The following ADAM12 variants were observed in gnomAD, a reference collection of about 807,000 sequenced individuals.
The protein encoded by ADAM12 is disintegrin and metalloproteinase domain-containing protein 12.
A neutral mutation model predicts 106.4 loss-of-function variants in ADAM12; 70 were observed. That is an observed-to-expected ratio of 0.66 (90% confidence interval 0.54 to 0.80). The LOEUF (loss-of-function observed/expected upper bound fraction) is 0.80, where lower values mean the gene tolerates loss of function less well. ADAM12 is among the 30% of genes least tolerant of loss of function. ADAM12 has a pLI of 0.00. For missense variants in ADAM12, 1,010 were observed against 1,171.9 expected (o/e 0.86, Z 2.02); for synonymous variants, 420 against 433.5 (o/e 0.97, Z 0.39).
Position 126,109,773 on chromosome 10 carries a change from A to T in ADAM12, c.669+2T>A. 6.2e-7 allele frequency: 1 copy of T among 1,609,532 alleles called. No homozygotes were observed. Among genetic ancestry groups the T allele is most frequent in the Admixed American group, 1.7e-5 (1 of 59,410 alleles). Reference sequence around the variant, plus strand: ...TACTGAGAAATTTTAAAAAGTTCTTACCTCTCGGTTGTCTGCCACGATCAC... The same window carrying T: ...TACTGAGAAATTTTAAAAAGTTCTTTCCTCTCGGTTGTCTGCCACGATCAC... On this transcript the variant is annotated splice_donor_variant, in intron 7 of 22. Coordinates refer to ENST00000448723, the MANE Select transcript of ADAM12 (RefSeq NM_001288973.2). LOFTEE classifies it high-confidence loss of function.
chr10:126,159,402 T>C (rs922394722), intron 3 of ADAM12, among the ~76,000 whole-genome samples: 14 of 152,072 alleles, frequency 9.2e-5, no homozygotes, highest in Middle Eastern at 3.4e-3. Context: ...TAAGTTATAT[T>C]AATTATTACA....
chr10:126,149,569 C>T (rs942892436), intron 4 of ADAM12, among the ~76,000 whole-genome samples: 13 of 152,204 alleles, frequency 8.5e-5, no homozygotes, highest in Admixed American at 2.0e-4. Context: ...CCCACCCGTC[C>T]TCAATCTGGG....
intron 14 of ADAM12, among the ~76,000 whole-genome samples, chr10:126,055,885 C>T (rs1315182639): frequency 1.3e-5 from 2 of 152,236 alleles, no homozygotes; most frequent in African/African-American, 4.8e-5. Flanking sequence ...TGCACCTGAG[C>T]ATGCTTAGTG....
chr10:126,336,145 CTG>C (rs1854690944), intron 1 of ADAM12, among the ~76,000 whole-genome samples: 1 of 152,108 alleles, frequency 6.6e-6, no homozygotes, highest in Non-Finnish European at 1.5e-5. Context: ...GGTTTACTAA[CTG>C]TAACAAATGT....
At chr10:126,148,654 C>A (rs1956672871) in intron 4 of ADAM12, among the ~76,000 whole-genome samples, 1 of 152,138 alleles carries the variant, frequency 6.6e-6, no homozygotes, top group African/African-American at 2.4e-5. Context: ...TTGGGGGTGC[C>A]AATTAATCTA....
chr10:126,136,495 T>C (rs10901532), intron 4 of ADAM12, among the ~76,000 whole-genome samples: 69,352 of 151,910 alleles, frequency 0.46, 16,139 homozygotes, highest in African/African-American at 0.53. Context: ...TCTCAGGGTT[T>C]CCTCTGAGAA....
chr10:126,230,946 G>C (rs1410457430), intron 3 of ADAM12, among the ~76,000 whole-genome samples: 1 of 152,114 alleles, frequency 6.6e-6, no homozygotes, highest in African/African-American at 2.4e-5. Flanking sequence ...TAAATCTAAG[G>C]GAATTGTGTC....
Position 126,369,043 on chromosome 10 carries a change from G to A in ADAM12, c.88+19015C>T, listed in dbSNP as rs556512430. On this transcript the variant is annotated intron_variant, in intron 1 of 22. Transcript: ENST00000448723. ...CAGCATCATAGTATTTCCAAAAGAT[G>A]TTCCTTTAAGATGTTCCTTTCGTAT... is the stretch of plus-strand genomic sequence containing the variant. Among the ~76,000 whole-genome samples the A allele has an allele frequency of 1.0e-3, 153 of 152,238 alleles. 1 individual carries two copies. Among genetic ancestry groups the A allele is most frequent in the African/African-American group, 3.5e-3 (146 of 41,550 alleles).
chr10:126,180,922 C>A (rs1053880632), intron 3 of ADAM12, among the ~76,000 whole-genome samples: 1 of 152,176 alleles, frequency 6.6e-6, no homozygotes. Flanking sequence ...GGAAGAAGTA[C>A]AAGTCTGAAG....
Position 126,098,424 on chromosome 10 carries a change from T to C in ADAM12, c.988A>G (p.Ile330Val). The C allele has an allele frequency of 1.2e-6, 2 of 1,613,888 alleles. No individual in the cohort carries two copies. The highest frequency in any genetic ancestry group is 1.7e-6 in the Non-Finnish European group (2 of 1,179,824). ...SMCTADQSGGIVMDHSDNPLG... is the reference protein window; with the variant it reads ...SMCTADQSGGVVMDHSDNPLG... ...CAATGCCCTTGGCTTACCATGACAA[T>C]TCCCCCAGACTGGTCTGCCGTGCAC... Residue 330 changes from isoleucine to valine, a missense_variant, in exon 10 of 23, where the codon ATT becomes GTT. Coordinates refer to ENST00000448723, the MANE Select transcript of ADAM12 (RefSeq NM_001288973.2).
chr10:126,310,840 A>G (rs916584419), intron 2 of ADAM12, among the ~76,000 whole-genome samples: 1 of 152,162 alleles, frequency 6.6e-6, no homozygotes, highest in Non-Finnish European at 1.5e-5. Flanking sequence ...CTGTTTGGTG[A>G]GAATGGGACC....
At chr10:126,339,847 C>CGTT (rs1207791907) in intron 1 of ADAM12, among the ~76,000 whole-genome samples, 2 of 75,710 alleles carry the variant, frequency 2.6e-5, no homozygotes, top group Non-Finnish European at 4.7e-5. Context: ...CATTCTAGGG[C>CGTT]TTTTTTTTTT....
At chr10:126,097,453 T>G (rs1363733818) in intron 10 of ADAM12, among the ~76,000 whole-genome samples, 1 of 152,238 alleles carries the variant, frequency 6.6e-6, no homozygotes, top group Non-Finnish European at 1.5e-5. Context: ...GTTGGTTCCG[T>G]ATATTCATGA....
At chr10:126,159,845 A>G (rs1956901307) in intron 3 of ADAM12, among the ~76,000 whole-genome samples, 1 of 151,898 alleles carries the variant, frequency 6.6e-6, no homozygotes, top group South Asian at 2.1e-4. Context: ...TCATCATCCA[A>G]GTGTCATTGG....
At chr10:126,303,483 A>G (rs190490386) in intron 2 of ADAM12, among the ~76,000 whole-genome samples, 70 of 152,370 alleles carry the variant, frequency 4.6e-4, no homozygotes, top group Admixed American at 7.8e-4. Context: ...AAGACAGGTC[A>G]TTAAATTACT....
At chr10:126,126,895 C>A (rs1454622019) in intron 5 of ADAM12, among the ~76,000 whole-genome samples, 2 of 152,108 alleles carry the variant, frequency 1.3e-5, no homozygotes, top group African/African-American at 4.8e-5. Flanking sequence ...AGGTGGAGAG[C>A]CAGTCTGGAG....
intron 5 of ADAM12, chr10:126,135,301 A>G: frequency 2.5e-6 from 1 of 404,086 alleles, no homozygotes; most frequent in Non-Finnish European, 4.4e-6. Flanking sequence ...TAATTCACAA[A>G]ATGCTTGGAT....
At chr10:126,364,799 A>G (rs949499783) in intron 1 of ADAM12, among the ~76,000 whole-genome samples, 3 of 152,206 alleles carry the variant, frequency 2.0e-5, no homozygotes, top group Admixed American at 1.3e-4. Context: ...TGCATTATTA[A>G]GAATTTAAAG....
intron 3 of ADAM12, among the ~76,000 whole-genome samples, chr10:126,257,898 C>T (rs886449383): frequency 1.3e-5 from 2 of 152,138 alleles, no homozygotes; most frequent in African/African-American, 2.4e-5. Flanking sequence ...TTCTGGACAA[C>T]GGTGGTGTCT....
Sources: allele counts gnomAD v4.1 joint callset (sites outside exome capture counted in the v4.1 genomes callset), GRCh38; gene constraint gnomAD v4.1.1; transcripts MANE v1.5; gene names NCBI Gene and HGNC (gene_info 2026-07-23, HGNC 2026-07-21).